Variants in SGCD observed in about 807,000 individuals in gnomAD.
The protein encoded by SGCD is delta-sarcoglycan.
Under a neutral mutation model 36.6 loss-of-function variants are expected in SGCD, and 18 were observed. The ratio of observed to expected loss-of-function variants is 0.49; its 90% CI spans 0.34 to 0.73. The LOEUF (loss-of-function observed/expected upper bound fraction) is 0.73. SGCD is among the 30% of genes least tolerant of loss of function. The pLI is 0.01. For missense variants in SGCD, 387 were observed against 346.7 expected (o/e 1.12, Z -0.92); for synonymous variants, 133 against 130.6 (o/e 1.02, Z -0.12).
chr5:156,456,469 T>C (rs142903950), intron 3 of SGCD, among the ~76,000 whole-genome samples: 102 of 152,336 alleles, frequency 6.7e-4, no homozygotes, highest in African/African-American at 2.5e-3. Context: ...TCAGAGAATT[T>C]AGCTGAATTA....
chr5:155,765,917 C>T, the SGCD span, among the ~76,000 whole-genome samples: 1 of 152,162 alleles, frequency 6.6e-6, no homozygotes, highest in African/African-American at 2.4e-5. Flanking sequence ...AAGGAGACAG[C>T]TGTGCCTGGG....
At chr5:155,755,637 T>G in the SGCD span, among the ~76,000 whole-genome samples, 1 of 152,220 alleles carries the variant, frequency 6.6e-6, no homozygotes, top group African/African-American at 2.4e-5. Flanking sequence ...TCCTCATAGT[T>G]TCCTGGGCAT....
chr5:156,457,294 A>G (rs1754304043), intron 3 of SGCD, among the ~76,000 whole-genome samples: 1 of 152,176 alleles, frequency 6.6e-6, no homozygotes, highest in African/African-American at 2.4e-5. Flanking sequence ...TTGATCCTCT[A>G]AAATAATTTC....
the SGCD span, among the ~76,000 whole-genome samples, chr5:155,835,002 A>ATTTTTTAT: frequency 1.7e-5 from 1 of 60,184 alleles, no homozygotes; most frequent in African/African-American, 5.8e-5. Flanking sequence ...TGCCCAGCTA[A>ATTTTTTAT]TTTTTTTTTT....
chr5:156,263,208 A>G (rs1308228448), intron 3 of SGCD, among the ~76,000 whole-genome samples: 1 of 152,062 alleles, frequency 6.6e-6, no homozygotes, highest in African/African-American at 2.4e-5. Context: ...TGGTTGTACT[A>G]GTTTACCTTC....
intron 7 of SGCD, among the ~76,000 whole-genome samples, chr5:156,749,531 A>G (rs1757071189): frequency 6.6e-6 from 1 of 152,080 alleles, no homozygotes; most frequent in South Asian, 2.1e-4. Flanking sequence ...AGAAGACGTG[A>G]AAAAAATATG....
chr5:155,819,451 A>C, the SGCD span, among the ~76,000 whole-genome samples: 1 of 152,196 alleles, frequency 6.6e-6, no homozygotes, highest in Non-Finnish European at 1.5e-5. Flanking sequence ...ACGATTGAAA[A>C]GAGGGAATAC....
chr5:155,736,721 C>A, the SGCD span, among the ~76,000 whole-genome samples: 1 of 152,138 alleles, frequency 6.6e-6, no homozygotes, highest in Non-Finnish European at 1.5e-5. Context: ...CCTACTTTTG[C>A]TACTGTTACT....
intron 3 of SGCD, among the ~76,000 whole-genome samples, chr5:156,454,726 A>G (rs1482123175): frequency 1.3e-5 from 2 of 152,164 alleles, no homozygotes; most frequent in Non-Finnish European, 2.9e-5. Flanking sequence ...TCCTGGCTGC[A>G]GGAGAGTTGA....
At chr5:156,429,574 TG>T (rs965447102) in intron 3 of SGCD, among the ~76,000 whole-genome samples, 2 of 151,118 alleles carry the variant, frequency 1.3e-5, no homozygotes, top group African/African-American at 4.9e-5. Context: ...CTAAATAGTT[TG>T]GTTTTTTTTT....
chr5:155,804,687 T>G, the SGCD span, among the ~76,000 whole-genome samples: 1 of 152,218 alleles, frequency 6.6e-6, no homozygotes, highest in South Asian at 2.1e-4. Flanking sequence ...CGACCATACC[T>G]TCTTACTCAT....
chr5:155,968,504 A>T (rs1431627997), intron 1 of SGCD, among the ~76,000 whole-genome samples: 1 of 152,268 alleles, frequency 6.6e-6, no homozygotes, highest in East Asian at 1.9e-4. Flanking sequence ...CACCCCATGC[A>T]TATAACTTTT....
chr5:156,569,624 A>G (rs1759637954), intron 4 of SGCD, among the ~76,000 whole-genome samples: 2 of 151,606 alleles, frequency 1.3e-5, no homozygotes, highest in African/African-American at 4.9e-5. Context: ...AAAAAAATAG[A>G]CAATCAGACT....
chr5:156,407,165 C>T (rs1164395117), intron 3 of SGCD, among the ~76,000 whole-genome samples: 1 of 152,090 alleles, frequency 6.6e-6, no homozygotes, highest in Admixed American at 6.5e-5. Flanking sequence ...CTGGCAACAC[C>T]CTCACAGACA....
intron 3 of SGCD, among the ~76,000 whole-genome samples, chr5:156,231,088 A>G (rs1765003357): frequency 6.6e-6 from 1 of 152,190 alleles, no homozygotes; most frequent in African/African-American, 2.4e-5. Context: ...TTTGAACTTG[A>G]TGAATATGTG....
chr5:156,601,854 T>C (rs1345762024), intron 6 of SGCD, among the ~76,000 whole-genome samples: 1 of 151,144 alleles, frequency 6.6e-6, no homozygotes, highest in Non-Finnish European at 1.5e-5. Flanking sequence ...CGGCTAATTT[T>C]TCTATTTTTA....
Position 156,032,706 on chromosome 5 carries a change from CAAAA to C in SGCD, c.-281-85145_-281-85142del, listed in dbSNP as rs1171072619. On this transcript the variant is annotated intron_variant, in intron 1 of 9. Coordinates refer to the SGCD transcript ENST00000517913. ...TGGGCGACAGAGCAAGACTCCGTCT[CAAAA>C]AAAAAAAAAAAAAAAAAAAAAAAAA... 3.4e-3 allele frequency among the ~76,000 whole-genome samples: 51 copies of C among 15,066 alleles called. 1 individual carries two copies. The highest frequency in any genetic ancestry group is 0.012 in the East Asian group (3 of 246). 9.9% of individuals were successfully genotyped at this position (15,066 alleles called of 152,430 possible). A position where few individuals can be genotyped will look rare whatever the true frequency, so the allele number is the denominator to read the frequency against.
At position 156,744,127 on chromosome 5, in the gene SGCD, G is replaced by T. The variant is rs181664669; in HGVS notation, c.576-13454G>T. On this transcript the variant is annotated intron_variant, in intron 7 of 8. Transcript: ENST00000337851. ...CTCGAGCCCAGGAGTTCAAAACCAG[G>T]GCAACATAGTGAGACCCCTGTCTCT... 4.6e-5 allele frequency among the ~76,000 whole-genome samples: 7 copies of T among 152,288 alleles called. No homozygotes were observed. The East Asian group carries it at 1.4e-3, about 29-fold the overall frequency.
chr5:156,316,521 T>C (rs1260406311), intron 3 of SGCD, among the ~76,000 whole-genome samples: 2 of 151,924 alleles, frequency 1.3e-5, no homozygotes, highest in Non-Finnish European at 2.9e-5. Context: ...CAGAACAAAG[T>C]TGGAGGCAGC....
Sources: allele counts gnomAD v4.1 joint callset (sites outside exome capture counted in the v4.1 genomes callset), GRCh38; gene constraint gnomAD v4.1.1; transcripts MANE v1.5; gene names NCBI Gene and HGNC (gene_info 2026-07-23, HGNC 2026-07-21).